Variants in GPR158 observed in about 807,000 individuals in gnomAD.
The protein encoded by GPR158 is G protein-coupled receptor 158.
Under a neutral mutation model 78.2 loss-of-function variants are expected in GPR158, and 30 were observed. That is an observed-to-expected ratio of 0.38 (90% CI 0.29 to 0.52). GPR158 has a LOEUF of 0.52. GPR158 is among the 20% of genes least tolerant of loss of function. The pLI is 0.83. For missense variants in GPR158, 1,463 were observed against 1,523.5 expected, an observed-to-expected ratio of 0.96 and a Z score of 0.66; for synonymous variants, 581 against 591.1, an observed-to-expected ratio of 0.98 and a Z score of 0.25.
At chr10:25,333,650 AG>A (rs1855159019) in intron 2 of GPR158, among the ~76,000 whole-genome samples, 4 of 152,156 alleles carry the variant, frequency 2.6e-5, no homozygotes. Flanking sequence ...TTTATTCAAG[AG>A]GAAAAGAATC....
At chr10:25,207,155 G>A (rs1021740521) in intron 1 of GPR158, among the ~76,000 whole-genome samples, 21 of 151,960 alleles carry the variant, frequency 1.4e-4, no homozygotes, top group Non-Finnish European at 2.4e-4. Context: ...GAGGCTGATC[G>A]CTGCAAAACA....
chr10:25,297,346 A>C (rs534523138), intron 2 of GPR158, among the ~76,000 whole-genome samples: 2 of 152,218 alleles, frequency 1.3e-5, no homozygotes, highest in African/African-American at 4.8e-5. Flanking sequence ...ACAAGGTTTG[A>C]CATTGGTCTT....
chr10:25,500,301 T>C (rs1463735752), intron 5 of GPR158, among the ~76,000 whole-genome samples: 1 of 152,208 alleles, frequency 6.6e-6, no homozygotes, highest in Non-Finnish European at 1.5e-5. Flanking sequence ...CTGGATTTTA[T>C]ACAAAAGAAT....
chr10:25,210,355 T>C (rs1448157942), intron 1 of GPR158, among the ~76,000 whole-genome samples: 1 of 152,214 alleles, frequency 6.6e-6, no homozygotes, highest in East Asian at 1.9e-4. Context: ...CCTTTGTGAA[T>C]GAGTGAGGAT....
At chr10:25,249,150 T>C (rs943089426) in intron 2 of GPR158, among the ~76,000 whole-genome samples, 1 of 152,152 alleles carries the variant, frequency 6.6e-6, no homozygotes, top group Non-Finnish European at 1.5e-5. Flanking sequence ...GTGATTTTTG[T>C]ACATTGATTT....
In GPR158 at chr10:25,311,568, G is replaced by A. The variant is rs146154977; in HGVS notation, c.1009-84343G>A. Among the ~76,000 whole-genome samples, 66 of 151,952 alleles carry A rather than the reference G, an allele frequency of 4.3e-4. 1 individual carries two copies. Among genetic ancestry groups the A allele is most frequent in the East Asian group, 3.9e-4 (2 of 5,172 alleles). On this transcript the variant is annotated intron_variant, in intron 2 of 10. Coordinates refer to ENST00000376351, the MANE Select transcript of GPR158 (RefSeq NM_020752.3). Reference sequence around the variant, plus strand: ...TACTTTAATTTGCTTCATCACAGACGTTCTGTGATTTTTCAGAAATTGCGA... The same window carrying A: ...TACTTTAATTTGCTTCATCACAGACATTCTGTGATTTTTCAGAAATTGCGA...
intron 2 of GPR158, among the ~76,000 whole-genome samples, chr10:25,266,587 A>T (rs979814415): frequency 1.3e-5 from 2 of 152,156 alleles, no homozygotes; most frequent in African/African-American, 4.8e-5. Flanking sequence ...TTACATTCTA[A>T]GCTTCTTAAG....
intron 2 of GPR158, among the ~76,000 whole-genome samples, chr10:25,249,837 A>G (rs1352400965): frequency 6.6e-6 from 1 of 150,614 alleles, no homozygotes; most frequent in Non-Finnish European, 1.5e-5. Context: ...AAAATGAGTT[A>G]GGGAGGATTC....
intron 2 of GPR158, among the ~76,000 whole-genome samples, chr10:25,249,318 A>G (rs1484916789): frequency 1.1e-4 from 17 of 152,276 alleles, no homozygotes; most frequent in South Asian, 2.1e-4. Flanking sequence ...TCTCCTGCCT[A>G]ATCGCCCTGG....
intron 5 of GPR158, among the ~76,000 whole-genome samples, chr10:25,521,597 A>G (rs1836275396): frequency 6.6e-6 from 1 of 152,208 alleles, no homozygotes; most frequent in South Asian, 2.1e-4. Context: ...GGGGCATTAA[A>G]GAACCTTGTA....
intron 5 of GPR158, among the ~76,000 whole-genome samples, chr10:25,508,078 T>A (rs1836038105): frequency 6.6e-6 from 1 of 152,198 alleles, no homozygotes; most frequent in African/African-American, 2.4e-5. Context: ...TAGTTGGTGT[T>A]TTTGTGTGTG....
intron 1 of GPR158, among the ~76,000 whole-genome samples, chr10:25,195,800 G>A (rs1003984971): frequency 2.0e-5 from 3 of 151,826 alleles, no homozygotes; most frequent in South Asian, 2.1e-4. Context: ...AAGTCTTCCC[G>A]TGCCAGAAAA....
intron 6 of GPR158, among the ~76,000 whole-genome samples, chr10:25,568,972 C>T (rs377640511): frequency 7.2e-5 from 11 of 152,152 alleles, no homozygotes; most frequent in African/African-American, 2.2e-4. Flanking sequence ...TGCATGTCTA[C>T]ATATTCTTTT....
At chr10:25,331,808 T>C (rs779849279) in intron 2 of GPR158, among the ~76,000 whole-genome samples, 64 of 152,192 alleles carry the variant, frequency 4.2e-4, no homozygotes, top group Non-Finnish European at 7.8e-4. Flanking sequence ...TCAAAAAAGA[T>C]CCTTTGCTTT....
intron 6 of GPR158, among the ~76,000 whole-genome samples, chr10:25,569,403 T>A (rs1237348499): frequency 6.6e-6 from 1 of 152,182 alleles, no homozygotes; most frequent in East Asian, 1.9e-4. Flanking sequence ...TAGCTCTCTA[T>A]GAGATTTAAA....
At chr10:25,396,317 G>C (rs146097121) in intron 3 of GPR158, among the ~76,000 whole-genome samples, 1 of 152,162 alleles carries the variant, frequency 6.6e-6, no homozygotes, top group Non-Finnish European at 1.5e-5. Flanking sequence ...GCTACAGAAA[G>C]TTCCTAAAAC....
At chr10:25,305,521 A>G (rs1238608719) in intron 2 of GPR158, among the ~76,000 whole-genome samples, 2 of 152,170 alleles carry the variant, frequency 1.3e-5, no homozygotes, top group Non-Finnish European at 2.9e-5. Context: ...GGATGGATAC[A>G]AAGATTTCAT....
In GPR158 at chr10:25,515,548, T is replaced by C. The variant is rs1588894415; in HGVS notation, c.1405-35428T>C. ...CCCCACCCCACCACAGTCCCCAGAG[T>C]GTGATATTCCCCTTCCTGTGTCCAT... On this transcript the variant is annotated intron_variant, in intron 5 of 10. Transcript: ENST00000376351. 4.3e-5 allele frequency among the ~76,000 whole-genome samples: 5 copies of C among 116,374 alleles called. 1 individual carries two copies. The South Asian group carries it at 9.7e-4, about 23-fold the overall frequency. The allele number at this position is 116,374 out of a possible 152,430, so 76.3% of individuals were successfully genotyped here. A position where few individuals can be genotyped will look rare whatever the true frequency, so the allele number is the denominator to read the frequency against.
intron 2 of GPR158, among the ~76,000 whole-genome samples, chr10:25,379,483 A>G (rs1834125761): frequency 6.6e-6 from 1 of 152,104 alleles, no homozygotes; most frequent in Non-Finnish European, 1.5e-5. Flanking sequence ...GAAAGCCAGG[A>G]TTGTTTACTA....
Sources: gnomAD v4.1 joint callset for allele counts (sites outside exome capture counted in the v4.1 genomes callset) on GRCh38, gnomAD v4.1.1 for gene constraint, MANE v1.5 for transcripts, NCBI Gene and HGNC (gene_info 2026-07-23, HGNC 2026-07-21) for gene names.